TMEM201: variants seen among roughly 807,000 people sequenced by gnomAD.
TMEM201 encodes RP13-15M17.2.
A neutral mutation model predicts 63.4 loss-of-function variants in TMEM201; 26 were observed. That is an observed-to-expected ratio of 0.41 (90% CI 0.30 to 0.57). The LOEUF (loss-of-function observed/expected upper bound fraction) is 0.57. Among genes scored for constraint, TMEM201 ranks in the 20% least tolerant of loss-of-function variants. The pLI, the probability that TMEM201 is intolerant of heterozygous loss-of-function variation, is 0.29. For missense variants in TMEM201, 794 were observed against 917.7 expected (o/e 0.87, Z 1.74); for synonymous variants, 417 against 421.6 (o/e 0.99, Z 0.14).
chr1:9,589,438 C>T (rs1024381235), intron 1 of TMEM201, among the ~76,000 whole-genome samples: 1 of 152,236 alleles, frequency 6.6e-6, no homozygotes, highest in African/African-American at 2.4e-5. Flanking sequence ...GGGCGTTTTT[C>T]TACACGCCTC....
chr1:9,589,050 G>A lies in TMEM201; in HGVS notation c.113+7G>A, dbSNP rs1643876096. ...TCTACCGGATCGCGCGGAGGTGAGT[G>A]CATGGTTCGGCCCCACGCGGCCCTC... On this transcript the variant is annotated splice_region_variant and intron_variant, in intron 1 of 10. Transcript: ENST00000340381. 14 of 1,080,370 alleles carry A rather than the reference G, an allele frequency of 1.3e-5. No individual in the cohort carries two copies. In the South Asian group the frequency reaches 4.9e-4, roughly 37 times the overall value. 66.9% of individuals were successfully genotyped at this position (1,080,370 alleles called of 1,614,324 possible).
rs1320174900 is a variant in TMEM201, at chr1:9,603,390, C to T, written c.1160+1118C>T. Reference sequence around the variant, plus strand: ...CTGGAAGTCGAGGGGCTGCCACGTGCAGAGGAAGTTCCCGGCCTGGGGGCT... The same window carrying T: ...CTGGAAGTCGAGGGGCTGCCACGTGTAGAGGAAGTTCCCGGCCTGGGGGCT... On this transcript the variant is annotated intron_variant, in intron 6 of 10. Transcript: ENST00000340381. The surrounding 1 kb of genome is among the most constrained non-coding windows in gnomAD (Gnocchi z 4.5). 1.4e-5 allele frequency: 14 copies of T among 985,402 alleles called. No individual in the cohort carries two copies. Among genetic ancestry groups the T allele is most frequent in the Non-Finnish European group, 1.4e-5 (12 of 830,010 alleles). 61.0% of individuals were successfully genotyped at this position (985,402 alleles called of 1,614,324 possible). A position where few individuals can be genotyped will look rare whatever the true frequency, so the allele number is the denominator to read the frequency against.
chr1:9,607,819 T>A lies in TMEM201; in HGVS notation c.1393+30T>A, dbSNP rs1216671427. 1 of 1,545,204 alleles carries A rather than the reference T, an allele frequency of 6.5e-7. No individual in the cohort carries two copies. The highest frequency in any genetic ancestry group is 8.8e-7 in the Non-Finnish European group (1 of 1,142,794). On this transcript the variant is annotated intron_variant, in intron 7 of 10. Coordinates refer to ENST00000340381, the MANE Select transcript of TMEM201 (RefSeq NM_001130924.3). This position sits in a 1 kb window ranked among gnomAD's most constrained non-coding sequence, Gnocchi z 5.4. ...GGGGTGCCCAGGCATTGGCAGACAG[T>A]CAGGGCTAGGGGCAGCTGGGACAGA... is the stretch of plus-strand genomic sequence containing the variant.
In TMEM201 at chr1:9,597,203, C is replaced by T. The variant is rs1644041512; in HGVS notation, c.429+150C>T. ...TTTCTGTTCTGAGTGCCCAAAGGGG[C>T]CCCCTCATCCTTGCCACTGCCAGCA... On this transcript the variant is annotated intron_variant, in intron 3 of 10. Coordinates refer to ENST00000340381, the MANE Select transcript of TMEM201 (RefSeq NM_001130924.3). 4.5e-6 allele frequency: 4 copies of T among 892,620 alleles called. No homozygotes were observed. In the South Asian group the frequency reaches 8.2e-5, roughly 18 times the overall value. 55.3% of individuals were successfully genotyped at this position (892,620 alleles called of 1,614,324 possible). A position where few individuals can be genotyped will look rare whatever the true frequency, so the allele number is the denominator to read the frequency against.
chr1:9,613,008 C>T lies in TMEM201; in HGVS notation c.1926C>T (p.Val642=). Residue 642 remains valine, a synonymous_variant, in exon 11 of 11, where the codon GTC becomes GTT. Transcript: ENST00000340381. ...TWRGRFGPSL[V]RGLLAVSLAA... is the part of the protein sequence containing the mutation. ...CAGGTCGTTTCGGCCCTTCCCTGGTCCGGGGCCTCCTGGCCGTGAGCTTGG... is the reference window on the plus strand; with the variant it reads ...CAGGTCGTTTCGGCCCTTCCCTGGTTCGGGGCCTCCTGGCCGTGAGCTTGG... The T allele has an allele frequency of 1.3e-6, 2 of 1,551,556 alleles. No homozygotes were observed. Among genetic ancestry groups the T allele is most frequent in the Non-Finnish European group, 1.7e-6 (2 of 1,146,950 alleles).
chr1:9,599,166 C>G (rs1644087537), intron 4 of TMEM201, among the ~76,000 whole-genome samples: 1 of 151,760 alleles, frequency 6.6e-6, no homozygotes, highest in Admixed American at 6.6e-5. Context: ...TCTTGAACTC[C>G]TGACCTCAGG....
intron 3 of TMEM201, among the ~76,000 whole-genome samples, chr1:9,597,498 C>T (rs757737809): frequency 2.6e-5 from 4 of 152,166 alleles, no homozygotes; most frequent in Non-Finnish European, 5.9e-5. Context: ...TGGAGGATGC[C>T]ACTGGCTTCT....
In TMEM201 at chr1:9,611,647, C is replaced by T. The variant is rs561119909; in HGVS notation, c.1766-106C>T. On this transcript the variant is annotated intron_variant, in intron 9 of 10. Transcript: ENST00000340381. ...GGATGAGTGGCTTGGGACAGCCTGG[C>T]TCACCACTTCTGACAACTGTCCTTA... The T allele has an allele frequency of 2.7e-6, 4 of 1,461,186 alleles. No individual in the cohort carries two copies. The South Asian group carries it at 3.7e-5, about 14-fold the overall frequency. The allele number at this position is 1,461,186 out of a possible 1,614,324, so 90.5% of individuals were successfully genotyped here.
In TMEM201 at chr1:9,610,027, C is replaced by A; in HGVS notation, c.1465+116C>A. The A allele has an allele frequency of 2.0e-6, 2 of 994,562 alleles. No individual in the cohort carries two copies. The highest frequency in any genetic ancestry group is 3.1e-6 in the Non-Finnish European group (2 of 649,598). The allele number at this position is 994,562 out of a possible 1,614,324, so 61.6% of individuals were successfully genotyped here. On this transcript the variant is annotated intron_variant, in intron 8 of 10. Coordinates refer to ENST00000340381, the MANE Select transcript of TMEM201 (RefSeq NM_001130924.3). This position sits in a 1 kb window ranked among gnomAD's most constrained non-coding sequence, Gnocchi z 4.9. ...ACAGACCCCAAGTGTGTGTTCACAT[C>A]TCAGCCCTGGGCAAGTGACCTACAC...
At position 9,613,241 on chromosome 1, in the gene TMEM201, T is replaced by C; in HGVS notation, c.*158T>C. The C allele has an allele frequency of 7.6e-6, 5 of 658,512 alleles. No individual in the cohort carries two copies. Among genetic ancestry groups the C allele is most frequent in the Non-Finnish European group, 1.3e-5 (5 of 379,846 alleles). The allele number at this position is 658,512 out of a possible 1,614,324, so 40.8% of individuals were successfully genotyped here. On this transcript the variant is annotated 3_prime_UTR_variant, in exon 11 of 11. Transcript: ENST00000340381. ...CTGTCCTCAGGACACCTGCCCCTCC[T>C]CACCTAACGGACTGCAGGGCTGAGC...
intron 4 of TMEM201, among the ~76,000 whole-genome samples, chr1:9,599,516 A>G (rs1039546300): frequency 2.9e-4 from 44 of 152,322 alleles, no homozygotes; most frequent in African/African-American, 1.0e-3. Context: ...TGGCCTCCCA[A>G]AGTGCTGGGA....
chr1:9,603,632 C>T lies in TMEM201; in HGVS notation c.1160+1360C>T, dbSNP rs971828120. The T allele has an allele frequency of 2.0e-6, 2 of 985,380 alleles. No individual in the cohort carries two copies. Among genetic ancestry groups the T allele is most frequent in the Admixed American group, 6.1e-5 (1 of 16,270 alleles). 61.0% of individuals were successfully genotyped at this position (985,380 alleles called of 1,614,324 possible). A position where few individuals can be genotyped will look rare whatever the true frequency, so the allele number is the denominator to read the frequency against. On this transcript the variant is annotated intron_variant, in intron 6 of 10. Transcript: ENST00000340381. This position sits in a 1 kb window ranked among gnomAD's most constrained non-coding sequence, Gnocchi z 4.5. The stretch of plus-strand genomic sequence containing the variant: ...AGATCACAGGTGCATGAGGGTTACA[C>T]CCGTCACCTGGGTCTGCCGGGATGG...
intron 4 of TMEM201, among the ~76,000 whole-genome samples, chr1:9,600,416 A>G (rs1405848573): frequency 6.6e-6 from 1 of 152,112 alleles, no homozygotes; most frequent in Non-Finnish European, 1.5e-5. Context: ...TGCACCACCA[A>G]GGCTGCTAGG....
chr1:9,603,649 C>G lies in TMEM201; in HGVS notation c.1160+1377C>G. The stretch of plus-strand genomic sequence containing the variant: ...GGGTTACACCCGTCACCTGGGTCTG[C>G]CGGGATGGGTTGGGGGGGCAGGTGC... On this transcript the variant is annotated intron_variant, in intron 6 of 10. Transcript: ENST00000340381. This position sits in a 1 kb window ranked among gnomAD's most constrained non-coding sequence, Gnocchi z 4.5. 1 of 985,384 alleles carries G rather than the reference C, an allele frequency of 1.0e-6. No homozygotes were observed. Among genetic ancestry groups the G allele is most frequent in the Non-Finnish European group, 1.2e-6 (1 of 829,952 alleles). The allele number at this position is 985,384 out of a possible 1,614,324, so 61.0% of individuals were successfully genotyped here.
At chr1:9,602,582 A>G (rs892154550) in intron 6 of TMEM201, 3 of 1,290,898 alleles carry the variant, frequency 2.3e-6, no homozygotes, top group Non-Finnish European at 3.0e-6. Flanking sequence ...GCGCCCACAC[A>G]GGCTCTGGCC....
intron 10 of TMEM201, among the ~76,000 whole-genome samples, chr1:9,612,743 A>G (rs1433757671): frequency 6.6e-6 from 1 of 152,174 alleles, no homozygotes; most frequent in African/African-American, 2.4e-5. Context: ...AGCCCAGCCC[A>G]TGGCCTTCCT....
rs192960233 is a variant in TMEM201 at position 9,610,549 on chromosome 1, C to T, written c.1509C>T (p.Leu503=). 1 of 1,547,606 alleles carries T rather than the reference C, an allele frequency of 6.5e-7. No individual in the cohort carries two copies. Among genetic ancestry groups the T allele is most frequent in the Non-Finnish European group, 8.7e-7 (1 of 1,144,748 alleles). ...CGGGGAGCTGCCCCTCCTCCCCACT[C>T]CCTTCCCCAGCGCCTTCCGTGGCCG... ...LLSGSCPSSP[L]PSPAPSVAGS... Residue 503 remains leucine (L), a synonymous_variant, in exon 9 of 11, where the codon CTC becomes CTT. Transcript: ENST00000340381. This position sits in a 1 kb window ranked among gnomAD's most constrained non-coding sequence, Gnocchi z 4.9.
At chr1:9,591,389 C>T (rs1569903164) in intron 1 of TMEM201, among the ~76,000 whole-genome samples, 1 of 152,244 alleles carries the variant, frequency 6.6e-6, no homozygotes, top group East Asian at 1.9e-4. Context: ...CCTCTGGGTG[C>T]TCATGGAGCC....
rs982156909 is a variant in TMEM201, at chr1:9,605,214, G to T, written c.1161-2343G>T. Among the ~76,000 whole-genome samples, 1 of 152,170 alleles carries T rather than the reference G, an allele frequency of 6.6e-6. No individual in the cohort carries two copies. Among genetic ancestry groups the T allele is most frequent in the African/African-American group, 2.4e-5 (1 of 41,434 alleles). On this transcript the variant is annotated intron_variant, in intron 6 of 10. Coordinates refer to ENST00000340381, the MANE Select transcript of TMEM201 (RefSeq NM_001130924.3). This position sits in a 1 kb window ranked among gnomAD's most constrained non-coding sequence, Gnocchi z 5.7. ...TCCTGATGTGGGCTGGGATTGGGTCGGAGAAGACCAGACATCTCCCCTTGG... is the reference window on the plus strand; with the variant it reads ...TCCTGATGTGGGCTGGGATTGGGTCTGAGAAGACCAGACATCTCCCCTTGG...
Sources: gnomAD v4.1 joint callset for allele counts (sites outside exome capture counted in the v4.1 genomes callset) on GRCh38, gnomAD v4.1.1 for gene constraint, Gnocchi (gnomAD v3.1) non-coding constraint, MANE v1.5 for transcripts, NCBI Gene and HGNC (gene_info 2026-07-23, HGNC 2026-07-21) for gene names.